Variants in DPY19L3 observed in about 807,000 individuals in gnomAD.
DPY19L3 encodes the protein dpy-19 like C-mannosyltransferase 3.
A neutral mutation model predicts 92.3 loss-of-function variants in DPY19L3; 51 were observed. That is an observed-to-expected ratio of 0.55 (90% confidence interval 0.44 to 0.70). The LOEUF is 0.70. DPY19L3 is among the 30% of genes least tolerant of loss of function. DPY19L3 has a pLI of 0.00. For synonymous variants in DPY19L3, 309 were observed against 315.2 expected (o/e 0.98, Z 0.21); for missense variants, 706 against 855.9 (o/e 0.82, Z 2.18).
rs1281412734 is a variant in DPY19L3 at position 32,482,571 on chromosome 19, C to T, written c.*331C>T. 1.0e-5 allele frequency: 2 copies of T among 199,738 alleles called. No homozygotes were observed. Among genetic ancestry groups the T allele is most frequent in the Non-Finnish European group, 1.0e-5 (1 of 99,598 alleles). The allele number at this position is 199,738 out of a possible 1,614,324, so 12.4% of individuals were successfully genotyped here. On this transcript the variant is annotated 3_prime_UTR_variant, in exon 19 of 19. Coordinates refer to ENST00000392250, the MANE Select transcript of DPY19L3 (RefSeq NM_001172774.2). ...CACATAACATGTTGGAAGATGAGCA[C>T]CTGCTCAGGATTTGAAATACGTTTA...
chr19:32,453,542 A>G (rs1328789877), intron 9 of DPY19L3, among the ~76,000 whole-genome samples: 4 of 152,172 alleles, frequency 2.6e-5, no homozygotes, highest in African/African-American at 9.7e-5. Context: ...GCTTGGTTGA[A>G]TGCCACTGAT....
intron 13 of DPY19L3, 84 bp from the exon 14 acceptor site, chr19:32,463,785 G>A: frequency 8.1e-7 from 1 of 1,229,386 alleles, no homozygotes. Flanking sequence ...GTCATAGACT[G>A]TAAAGCTGCC....
rs1441037298 is a variant in DPY19L3, at chr19:32,419,993, G to C, written c.237+8621G>C. ...TCCTGCCTCAGCCTCCCGAGTAACT[G>C]GGATTACAGGCAGGCACCACCACGC... is the stretch of plus-strand genomic sequence containing the variant. On this transcript the variant is annotated intron_variant, in intron 3 of 18. Transcript: ENST00000392250. Among the ~76,000 whole-genome samples, 14 of 151,248 alleles carry C rather than the reference G, an allele frequency of 9.3e-5. 1 individual carries two copies. Among genetic ancestry groups the C allele is most frequent in the Admixed American group, 9.2e-4 (14 of 15,142 alleles).
intron 9 of DPY19L3, among the ~76,000 whole-genome samples, chr19:32,453,659 C>T (rs7258196): frequency 0.19 from 28,775 of 151,868 alleles, 2,853 homozygotes; most frequent in African/African-American, 0.25. Flanking sequence ...CAGTCCTTCA[C>T]GTTGGTGGAT....
chr19:32,478,177 C>CCT (rs1231568193), intron 17 of DPY19L3, among the ~76,000 whole-genome samples: 1 of 152,170 alleles, frequency 6.6e-6, no homozygotes, highest in Non-Finnish European at 1.5e-5. Flanking sequence ...TGGTCCAGGA[C>CCT]CTCTGCCTGC....
intron 8 of DPY19L3, among the ~76,000 whole-genome samples, chr19:32,445,025 G>GTAAT (rs1289658075): frequency 6.8e-6 from 1 of 146,208 alleles, no homozygotes; most frequent in Non-Finnish European, 1.5e-5. Flanking sequence ...TCAGTGAACT[G>GTAAT]TAATTGCACC....
chr19:32,450,833 C>G (rs532656108), intron 8 of DPY19L3, among the ~76,000 whole-genome samples: 6 of 152,206 alleles, frequency 3.9e-5, no homozygotes, highest in African/African-American at 1.4e-4. Flanking sequence ...ATGAAGCACA[C>G]TTTAAATGGG....
Position 32,463,939 on chromosome 19 carries a change from G to A in DPY19L3, c.1516G>A (p.Glu506Lys), listed in dbSNP as rs1599662402. The A allele has an allele frequency of 6.2e-7, 1 of 1,613,298 alleles. No homozygotes were observed. The highest frequency in any genetic ancestry group is 8.5e-7 in the Non-Finnish European group (1 of 1,179,440). The change falls in exon 14 of 19, where the codon GAG becomes AAG. Residue 506 changes from glutamate (E) to lysine (K), a missense_variant. Glu to Lys is a moderately conservative substitution (Grantham distance 56, BLOSUM62 1). Coordinates refer to ENST00000392250, the MANE Select transcript of DPY19L3 (RefSeq NM_001172774.2). The stretch of plus-strand genomic sequence containing the variant: ...CGGCCTATGTAGCCCTGAAATATGG[G>A]AGTTACTTCTGAAGTCAGTCCATCT... ...SFGLCSPEIW[E>K]LLLKSVHLYN... is the part of the protein sequence containing the mutation.
intron 3 of DPY19L3, among the ~76,000 whole-genome samples, chr19:32,418,050 G>A (rs1968435821): frequency 6.6e-6 from 1 of 152,186 alleles, no homozygotes; most frequent in African/African-American, 2.4e-5. Context: ...TTGTAGATGT[G>A]TGGGTGAGAT....
intron 15 of DPY19L3, among the ~76,000 whole-genome samples, chr19:32,467,071 G>GA (rs1175003095): frequency 1.3e-5 from 2 of 152,094 alleles, no homozygotes; most frequent in Non-Finnish European, 2.9e-5. Flanking sequence ...TATTAAAAGG[G>GA]AAAAAAGCAT....
At chr19:32,481,980 C>G in intron 18 of DPY19L3, 99 bp from the exon 19 acceptor site, 2 of 1,313,306 alleles carry the variant, frequency 1.5e-6, no homozygotes, top group Non-Finnish European at 2.1e-6. Context: ...TAATTTCACT[C>G]ACATACCATT....
Position 32,468,671 on chromosome 19 carries a change from G to A in DPY19L3, c.1615-60G>A. The A allele has an allele frequency of 2.5e-6, 4 of 1,589,356 alleles. No homozygotes were observed. In the South Asian group the frequency reaches 3.5e-5, roughly 14 times the overall value. The stretch of plus-strand genomic sequence containing the variant: ...TTTATCTTTTTTTCATTTAATCTTA[G>A]TGATAGTTGTGGGTGTAGGGGTGGA... On this transcript the variant is annotated intron_variant, in intron 15 of 18. Transcript: ENST00000392250.
Position 32,437,446 on chromosome 19 carries a change from G to A in DPY19L3, c.596+107G>A, listed in dbSNP as rs111423079. On this transcript the variant is annotated intron_variant, in intron 6 of 18. Transcript: ENST00000392250. ...TCTTCTGCCACATTTGTTTGGTTGG[G>A]AGCAGTTTCTCTTTGGTTTGCCTGG... is the stretch of plus-strand genomic sequence containing the variant. The A allele has an allele frequency of 2.7e-4, 369 of 1,342,522 alleles. No individual in the cohort carries two copies. In the African/African-American group the frequency reaches 4.3e-3, roughly 16 times the overall value. The allele number at this position is 1,342,522 out of a possible 1,614,324, so 83.2% of individuals were successfully genotyped here.
chr19:32,408,058 C>T (rs530523286), intron 1 of DPY19L3, among the ~76,000 whole-genome samples, 159 bp from the exon 2 acceptor site: 1 of 151,852 alleles, frequency 6.6e-6, no homozygotes, highest in Non-Finnish European at 1.5e-5. Context: ...GCACTCCAGC[C>T]TGAGTGACAG....
chr19:32,418,223 CCT>C (rs1000456369), intron 3 of DPY19L3, among the ~76,000 whole-genome samples: 2 of 151,982 alleles, frequency 1.3e-5, no homozygotes, highest in African/African-American at 4.8e-5. Flanking sequence ...CCATTTTTTT[CCT>C]CTTTGTTCAA....
chr19:32,447,779 T>TAGATA (rs1488342123), intron 8 of DPY19L3, among the ~76,000 whole-genome samples: 1 of 135,592 alleles, frequency 7.4e-6, no homozygotes, highest in South Asian at 2.4e-4. Context: ...ATAGATAGAT[T>TAGATA]AGATAAGATA....
rs1390446412 is a variant in DPY19L3, at chr19:32,482,734, TATA to T, written c.*498_*500del. On this transcript the variant is annotated 3_prime_UTR_variant, in exon 19 of 19. Transcript: ENST00000392250. ...AGTGTCCTGTTTTACCTTAAAATGT[TATA>T]ATATTTTCCAGTTGTCATGCTGTCA... 2.0e-5 allele frequency: 3 copies of T among 152,944 alleles called. No individual in the cohort carries two copies. The highest frequency in any genetic ancestry group is 1.9e-4 in the East Asian group (1 of 5,208). The allele number at this position is 152,944 out of a possible 1,614,324, so 9.5% of individuals were successfully genotyped here.
chr19:32,469,065 A>G (rs1216769702), intron 16 of DPY19L3: 7 of 256,546 alleles, frequency 2.7e-5, no homozygotes, highest in African/African-American at 1.6e-4. Flanking sequence ...CAATAAATAA[A>G]TTTCAAACCA....
chr19:32,418,707 G>A (rs929990684), intron 3 of DPY19L3, among the ~76,000 whole-genome samples: 2 of 151,892 alleles, frequency 1.3e-5, no homozygotes, highest in African/African-American at 4.8e-5. Context: ...CCTGTTTTGG[G>A]GTTATAACTT....
Sources: allele counts gnomAD v4.1 joint callset (sites outside exome capture counted in the v4.1 genomes callset), GRCh38; gene constraint gnomAD v4.1.1; transcripts MANE v1.5; gene names NCBI Gene and HGNC (gene_info 2026-07-23, HGNC 2026-07-21).